The following MGAT5 variants were observed in gnomAD, a reference collection of about 807,000 sequenced individuals.
MGAT5 encodes alpha-1,6-mannosylglycoprotein 6-beta-N-acetylglucosaminyltransferase A.
Under a neutral mutation model 94.3 loss-of-function variants are expected in MGAT5, and 30 were observed. The ratio of observed to expected loss-of-function variants is 0.32; its 90% confidence interval spans 0.24 to 0.43. The LOEUF is 0.43. MGAT5 is among the 20% of genes least tolerant of loss of function. The pLI is 1.00. For synonymous variants in MGAT5, 310 were observed against 322.9 expected (o/e 0.96, Z 0.43); for missense variants, 691 against 905.5 (o/e 0.76, Z 3.04).
chr2:134,384,279 TTCTC>T (rs1681828088), intron 10 of MGAT5, among the ~76,000 whole-genome samples: 1 of 151,488 alleles, frequency 6.6e-6, no homozygotes, highest in Non-Finnish European at 1.5e-5. Context: ...CCTAGGCTTT[TTCTC>T]TCTCTCTCTC....
chr2:134,401,320 C>A (rs1683041217), intron 10 of MGAT5, among the ~76,000 whole-genome samples: 1 of 152,176 alleles, frequency 6.6e-6, no homozygotes, highest in South Asian at 2.1e-4. Context: ...TGCTCTAAAG[C>A]CAGTGGCCAT....
intron 1 of MGAT5, among the ~76,000 whole-genome samples, chr2:134,177,493 G>C (rs979472899): frequency 4.7e-4 from 72 of 152,264 alleles, no homozygotes; most frequent in African/African-American, 1.6e-3. Context: ...AGGGAAGCGA[G>C]GTCCAGCTGT....
intron 1 of MGAT5, among the ~76,000 whole-genome samples, chr2:134,186,453 T>TA (rs1689037818): frequency 6.7e-6 from 1 of 149,994 alleles, no homozygotes; most frequent in African/African-American, 2.4e-5. Flanking sequence ...CAGTGCCACT[T>TA]ACCTCAGATT....
At chr2:134,230,213 G>A (rs971513651) in intron 1 of MGAT5, among the ~76,000 whole-genome samples, 1 of 152,180 alleles carries the variant, frequency 6.6e-6, no homozygotes, top group African/African-American at 2.4e-5. Context: ...TCCCTCACAT[G>A]CACAGTTCAC....
chr2:134,387,424 G>T (rs1220243534), intron 10 of MGAT5, among the ~76,000 whole-genome samples: 2 of 140,740 alleles, frequency 1.4e-5, no homozygotes, highest in Non-Finnish European at 1.5e-5. Flanking sequence ...TGGTTCTATC[G>T]GCTAACTTAT....
At chr2:134,245,227 T>C (rs1682181182) in intron 1 of MGAT5, among the ~76,000 whole-genome samples, 1 of 152,190 alleles carries the variant, frequency 6.6e-6, no homozygotes, top group Non-Finnish European at 1.5e-5. Context: ...TTAGCCAGGA[T>C]GGTCTCGACC....
chr2:134,381,760 A>C (rs966427828), intron 10 of MGAT5, among the ~76,000 whole-genome samples: 2 of 152,186 alleles, frequency 1.3e-5, no homozygotes, highest in Admixed American at 1.3e-4. Context: ...TCTTAGTCTT[A>C]GCTTCTTCAA....
At chr2:134,273,003 G>A (rs928544639) in intron 2 of MGAT5, among the ~76,000 whole-genome samples, 1 of 150,990 alleles carries the variant, frequency 6.6e-6, no homozygotes, top group Non-Finnish European at 1.5e-5. Context: ...GTATGTGTGT[G>A]TGTGTCTGTG....
At chr2:134,345,169 G>C in intron 8 of MGAT5, 105 bp downstream of exon 8, 1 of 1,206,684 alleles carries the variant, frequency 8.3e-7, no homozygotes, top group Non-Finnish European at 1.2e-6. Context: ...CTTTTCAGCT[G>C]TATGGAGTGT....
chr2:134,338,584 C>T (rs1688462284), intron 6 of MGAT5, among the ~76,000 whole-genome samples, 164 bp downstream of exon 6: 1 of 152,148 alleles, frequency 6.6e-6, no homozygotes. Context: ...CCTTTCCCCA[C>T]TTACAATGCT....
chr2:134,374,039 A>T (rs2106168625), intron 10 of MGAT5, among the ~76,000 whole-genome samples: 1 of 152,366 alleles, frequency 6.6e-6, no homozygotes, highest in South Asian at 2.1e-4. Flanking sequence ...AAATCACAGC[A>T]GTAGAAGGAA....
chr2:134,227,479 A>G (rs1681122176), intron 1 of MGAT5, among the ~76,000 whole-genome samples: 1 of 152,248 alleles, frequency 6.6e-6, no homozygotes, highest in Non-Finnish European at 1.5e-5. Flanking sequence ...CATTCACTGC[A>G]GAGTTTAGCA....
At chr2:134,182,780 G>GTTTTTTTTTTTTTT (rs5834402) in intron 1 of MGAT5, among the ~76,000 whole-genome samples, 1 of 87,052 alleles carries the variant, frequency 1.1e-5, no homozygotes, top group Non-Finnish European at 2.2e-5. Flanking sequence ...TAGAAGATTA[G>GTTTTTTTTTTTTTT]TTTTTTTTTT....
chr2:134,336,293 G>A lies in MGAT5; in HGVS notation c.645+5G>A. Reference sequence around the variant, plus strand: ...GAAGCTGATCATAATTCATTGGTAAGTGATTTTGGAAAACTCTTTCTAGAC... The same window carrying A: ...GAAGCTGATCATAATTCATTGGTAAATGATTTTGGAAAACTCTTTCTAGAC... On this transcript the variant is annotated splice_donor_5th_base_variant and intron_variant, in intron 5 of 15. Transcript: ENST00000281923. 1.9e-6 allele frequency: 3 copies of A among 1,611,572 alleles called. No individual in the cohort carries two copies. The highest frequency in any genetic ancestry group is 2.5e-6 in the Non-Finnish European group (3 of 1,178,484).
chr2:134,324,174 T>A (rs954958205), intron 4 of MGAT5, among the ~76,000 whole-genome samples: 1 of 152,180 alleles, frequency 6.6e-6, no homozygotes, highest in African/African-American at 2.4e-5. Flanking sequence ...CTAATTTGTT[T>A]ATGCTTTTCT....
intron 1 of MGAT5, among the ~76,000 whole-genome samples, chr2:134,257,793 G>T (rs1683062681): frequency 6.7e-6 from 1 of 148,178 alleles, no homozygotes; most frequent in Admixed American, 6.7e-5. Context: ...AGCTGGGCTG[G>T]CAGAACAGTG....
At chr2:134,406,233 C>T (rs1290759705) in intron 11 of MGAT5, among the ~76,000 whole-genome samples, 5 of 152,230 alleles carry the variant, frequency 3.3e-5, no homozygotes, top group Non-Finnish European at 5.9e-5. Context: ...GCATCTGCAA[C>T]TCACTGAGTG....
chr2:134,375,444 A>G (rs1217067278), intron 10 of MGAT5, among the ~76,000 whole-genome samples: 1 of 152,238 alleles, frequency 6.6e-6, no homozygotes. Flanking sequence ...CCTGAAATCC[A>G]CTATGCAGAG....
In MGAT5 at chr2:134,448,773, C is replaced by A; in HGVS notation, c.2152C>A (p.Pro718Thr). The A allele has an allele frequency of 1.2e-6, 2 of 1,614,212 alleles. No homozygotes were observed. Among genetic ancestry groups the A allele is most frequent in the Non-Finnish European group, 1.7e-6 (2 of 1,180,032 alleles). The change falls in exon 16 of 16, where the codon CCC becomes ACC. Residue 718 changes from proline to threonine, a missense_variant. Coordinates refer to ENST00000281923, the MANE Select transcript of MGAT5 (RefSeq NM_002410.5). ...GCTCTTCAGCTGTGCAGGCGCCCAC[C>A]CCAGGCACCAGAGGGTCTGCCCCTG... ...LLLFSCAGAH[P>T]RHQRVCPCRD... is the part of the protein sequence containing the mutation.
Sources: gnomAD v4.1 joint callset for allele counts (sites outside exome capture counted in the v4.1 genomes callset) on GRCh38, gnomAD v4.1.1 for gene constraint, MANE v1.5 for transcripts, NCBI Gene and HGNC (gene_info 2026-07-23, HGNC 2026-07-21) for gene names.